Variants in SNTG1 observed in about 807,000 individuals in gnomAD.
SNTG1 encodes syntrophin gamma 1, also known as gamma-1-syntrophin.
Under a neutral mutation model 74.7 loss-of-function variants are expected in SNTG1, and 39 were observed. That is an observed-to-expected ratio of 0.52 (90% CI 0.40 to 0.68). The LOEUF (loss-of-function observed/expected upper bound fraction) is 0.68, where lower values mean the gene tolerates loss of function less well. Ranked by LOEUF, SNTG1 falls within the 30% of genes least tolerant of loss-of-function variation. The probability of loss-of-function intolerance (pLI) is 0.00; values close to 1 mark genes in which losing one functional copy is unlikely to be tolerated. For synonymous variants in SNTG1, 254 were observed against 217.1 expected (o/e 1.17, Z -1.49); for missense variants, 685 against 609.5 (o/e 1.12, Z -1.30).
chr8:50,397,242 A>G (rs1351718256), intron 3 of SNTG1, among the ~76,000 whole-genome samples: 1 of 152,252 alleles, frequency 6.6e-6, no homozygotes. Context: ...TGGTATGCAA[A>G]GTCAACGAAG....
chr8:50,238,908 T>C (rs963032231), intron 2 of SNTG1, among the ~76,000 whole-genome samples: 4 of 152,102 alleles, frequency 2.6e-5, no homozygotes, highest in Non-Finnish European at 5.9e-5. Flanking sequence ...ACATTATTAA[T>C]CATTAGAAAA....
intron 1 of SNTG1, among the ~76,000 whole-genome samples, chr8:50,071,586 C>A (rs1821372750): frequency 6.6e-6 from 1 of 152,010 alleles, no homozygotes. Context: ...TCAAGAGATT[C>A]TCCTGCCTCG....
chr8:50,111,787 A>T (rs1037111752), intron 1 of SNTG1, among the ~76,000 whole-genome samples: 4 of 152,180 alleles, frequency 2.6e-5, no homozygotes, highest in African/African-American at 7.2e-5. Context: ...TGGGACATGG[A>T]GAATAACTCT....
At chr8:50,657,793 G>A (rs951961723) in intron 14 of SNTG1, among the ~76,000 whole-genome samples, 7 of 151,874 alleles carry the variant, frequency 4.6e-5, no homozygotes, top group African/African-American at 1.7e-4. Flanking sequence ...CTATATCCTA[G>A]TTATTGAGAT....
At chr8:50,714,354 C>G (rs1208990430) in intron 17 of SNTG1, among the ~76,000 whole-genome samples, 1 of 151,200 alleles carries the variant, frequency 6.6e-6, no homozygotes, top group Non-Finnish European at 1.5e-5. Context: ...TTGACCTCTT[C>G]AAGGAGAACT....
intron 2 of SNTG1, among the ~76,000 whole-genome samples, chr8:50,194,514 T>A (rs1376749742): frequency 6.6e-6 from 1 of 152,168 alleles, no homozygotes; most frequent in South Asian, 2.1e-4. Flanking sequence ...AGTTGTAATA[T>A]CTCCTGTTTC....
intron 9 of SNTG1, among the ~76,000 whole-genome samples, chr8:50,525,980 C>T (rs192668221): frequency 1.1e-3 from 168 of 151,994 alleles, no homozygotes; most frequent in Middle Eastern, 3.4e-3. Flanking sequence ...GATTACACAC[C>T]GGAAAAGAAC....
chr8:50,482,669 C>G (rs550055451), intron 8 of SNTG1, among the ~76,000 whole-genome samples: 2 of 152,276 alleles, frequency 1.3e-5, no homozygotes, highest in African/African-American at 2.4e-5. Flanking sequence ...TTCCCCGTTT[C>G]TACACCATTG....
chr8:50,328,161 T>C (rs1278771420), intron 2 of SNTG1, among the ~76,000 whole-genome samples: 1 of 151,226 alleles, frequency 6.6e-6, no homozygotes, highest in Non-Finnish European at 1.5e-5. Flanking sequence ...GTTTCTGATC[T>C]ATATCATTTT....
chr8:50,315,329 A>T (rs2090275624), intron 2 of SNTG1, among the ~76,000 whole-genome samples: 1 of 149,908 alleles, frequency 6.7e-6, no homozygotes, highest in Non-Finnish European at 1.5e-5. Flanking sequence ...TTATATGTTG[A>T]TATGAGTAAC....
At chr8:50,631,617 G>A (rs1262986169) in intron 13 of SNTG1, among the ~76,000 whole-genome samples, 1 of 152,212 alleles carries the variant, frequency 6.6e-6, no homozygotes, top group Non-Finnish European at 1.5e-5. Flanking sequence ...CCCCATGGGT[G>A]AGAACTTTTA....
intron 12 of SNTG1, among the ~76,000 whole-genome samples, chr8:50,583,856 T>G (rs184487381): frequency 6.6e-6 from 1 of 152,026 alleles, no homozygotes; most frequent in East Asian, 1.9e-4. Context: ...ATGGGCCATG[T>G]TGGTGTGCTG....
chr8:50,342,371 G>T (rs954812613), intron 2 of SNTG1, among the ~76,000 whole-genome samples: 1 of 152,044 alleles, frequency 6.6e-6, no homozygotes, highest in Non-Finnish European at 1.5e-5. Flanking sequence ...TGTTTTGCAT[G>T]AACAATAATT....
chr8:50,075,785 C>T (rs1328025509), intron 1 of SNTG1, among the ~76,000 whole-genome samples: 6 of 152,124 alleles, frequency 3.9e-5, no homozygotes, highest in Non-Finnish European at 8.8e-5. Flanking sequence ...ATGAACAACT[C>T]CAGACGCGCC....
intron 2 of SNTG1, among the ~76,000 whole-genome samples, chr8:50,270,938 A>G (rs1000183354): frequency 5.9e-5 from 9 of 152,310 alleles, no homozygotes; most frequent in African/African-American, 2.2e-4. Context: ...GTATAGTTGG[A>G]AGACGATAAA....
Position 50,462,796 on chromosome 8 carries a change from CTTTTTTTTTTTTTT to C in SNTG1, c.363+12093_363+12106del, listed in dbSNP as rs869119447. Among the ~76,000 whole-genome samples the C allele has an allele frequency of 8.7e-5, 5 of 57,472 alleles. No individual in the cohort carries two copies. The East Asian group carries it at 1.8e-3, about 20-fold the overall frequency. 37.7% of individuals were successfully genotyped at this position (57,472 alleles called of 152,430 possible). ...CTCAGTCGCATCTTCAGGTTCTACT[CTTTTTTTTTTTTTT>C]TTTTTTTTTTTTTTTTTTTTTTTTT... On this transcript the variant is annotated intron_variant, in intron 8 of 18. Transcript: ENST00000642720.
chr8:50,142,475 TTA>T (rs10552210), intron 1 of SNTG1, among the ~76,000 whole-genome samples: 59,233 of 147,060 alleles, frequency 0.4, 13,889 homozygotes, highest in African/African-American at 0.67. Flanking sequence ...ATTAAAAAGA[TTA>T]TATATATATA....
At chr8:50,304,140 G>C (rs1023488099) in intron 2 of SNTG1, among the ~76,000 whole-genome samples, 1 of 152,198 alleles carries the variant, frequency 6.6e-6, no homozygotes, top group African/African-American at 2.4e-5. Flanking sequence ...TGAATGGATT[G>C]ATGTCATTAT....
At chr8:50,170,257 A>T (rs1340123638) in intron 1 of SNTG1, among the ~76,000 whole-genome samples, 1 of 152,182 alleles carries the variant, frequency 6.6e-6, no homozygotes, top group East Asian at 1.9e-4. Flanking sequence ...TTTTAATTCA[A>T]GAGGCTTAAT....
Sources: gnomAD v4.1 joint callset for allele counts (sites outside exome capture counted in the v4.1 genomes callset) on GRCh38, gnomAD v4.1.1 for gene constraint, MANE v1.5 for transcripts, NCBI Gene and HGNC (gene_info 2026-07-23, HGNC 2026-07-21) for gene names.